CELSR1: variants seen among roughly 807,000 people sequenced by gnomAD.
The protein encoded by CELSR1 is adhesion G protein-coupled receptor C1.
A neutral mutation model predicts 249.1 loss-of-function variants in CELSR1; 110 were observed. The ratio of observed to expected loss-of-function variants is 0.44; its 90% CI spans 0.38 to 0.52. CELSR1 has a LOEUF of 0.52. Ranked by LOEUF, CELSR1 falls within the 20% of genes least tolerant of loss-of-function variation. The pLI is 0.00. For missense variants in CELSR1, 4,109 were observed against 4,296.4 expected, an observed-to-expected ratio of 0.96 and a Z score of 1.22; for synonymous variants, 2,113 against 1,900.0, an observed-to-expected ratio of 1.11 and a Z score of -2.92.
In CELSR1 at chr22:46,409,868, C is replaced by T. The variant is rs112571995; in HGVS notation, c.4946G>A (p.Arg1649Gln). 1.6e-5 allele frequency: 26 copies of T among 1,613,340 alleles called. No homozygotes were observed. The African/African-American group carries it at 2.0e-4, about 12-fold the overall frequency. Residue 1649 changes from arginine to glutamine, a missense_variant, in exon 8 of 35, where the codon CGG becomes CAG. Coordinates refer to ENST00000674500, the MANE Select transcript of CELSR1 (RefSeq NM_001378328.1). The surrounding 1 kb of genome is among the most constrained non-coding windows in gnomAD (Gnocchi z 9.8). Reference sequence around the variant, plus strand: ...CCGCCTCCCATCGCAGAAGTTCCTCCGAGCAGCGCAGCCTGGCAACACAGA... The same window carrying T: ...CCGCCTCCCATCGCAGAAGTTCCTCTGAGCAGCGCAGCCTGGCAACACAGA... ...NNGTREGCAA[R>Q]RNFCDGRRCQ...
chr22:46,530,260 C>T (rs1002721802), intron 1 of CELSR1: 1 of 152,238 alleles, frequency 6.6e-6, no homozygotes, highest in Admixed American at 6.6e-5. Flanking sequence ...GAGAGCAAGA[C>T]CCTGTCTCAT....
intron 1 of CELSR1, among the ~76,000 whole-genome samples, chr22:46,493,349 C>T (rs1485024125): frequency 6.6e-6 from 1 of 152,016 alleles, no homozygotes; most frequent in Non-Finnish European, 1.5e-5. Context: ...AGATCAAGAC[C>T]ATCCTGGCTA....
At position 46,409,712 on chromosome 22, in the gene CELSR1, C is replaced by G; in HGVS notation, c.5059+43G>C. The G allele has an allele frequency of 6.2e-7, 1 of 1,607,136 alleles. No individual in the cohort carries two copies. On this transcript the variant is annotated intron_variant, in intron 8 of 34. Transcript: ENST00000674500. This position sits in a 1 kb window ranked among gnomAD's most constrained non-coding sequence, Gnocchi z 9.8. ...GGGCACATCAAGGAGCAATGCCTCC[C>G]AGGCCGCCGTGACCGGGGGGATGGA... is the stretch of plus-strand genomic sequence containing the variant.
Position 46,398,581 on chromosome 22 carries a change from G to A in CELSR1, c.5469C>T (p.Val1823=), listed in dbSNP as rs139862104. ...LPGLTVRSVV[V]GGASEDKVSV... is the part of the protein sequence containing the mutation. Reference sequence around the variant, plus strand: ...AGACCTTGTCTTCAGAGGCGCCTCCGACCACCACGCTCCTTACCGTCAGCC... The same window carrying A: ...AGACCTTGTCTTCAGAGGCGCCTCCAACCACCACGCTCCTTACCGTCAGCC... Residue 1823 remains valine (V), a synonymous_variant, in exon 11 of 35, where the codon GTC becomes GTT. Transcript: ENST00000674500. This position sits in a 1 kb window ranked among gnomAD's most constrained non-coding sequence, Gnocchi z 7.2. 92 of 1,613,508 alleles carry A rather than the reference G, an allele frequency of 5.7e-5. No individual in the cohort carries two copies. The highest frequency in any genetic ancestry group is 2.9e-4 in the African/African-American group (22 of 74,946).
intron 12 of CELSR1, among the ~76,000 whole-genome samples, chr22:46,397,397 A>T (rs1205957660): frequency 6.7e-6 from 1 of 149,312 alleles, no homozygotes; most frequent in Non-Finnish European, 1.5e-5. Context: ...CTGGGATTAC[A>T]GGTATGAGCC....
intron 5 of CELSR1, among the ~76,000 whole-genome samples, chr22:46,419,465 C>T (rs2079440140): frequency 6.6e-6 from 1 of 152,064 alleles, no homozygotes; most frequent in African/African-American, 2.4e-5. Flanking sequence ...TCCTGACAAG[C>T]GGGACAAGGA....
chr22:46,380,609 ACT>A lies in CELSR1; in HGVS notation c.7256+177_7256+178del, dbSNP rs1189358151. Among the ~76,000 whole-genome samples, 1 of 151,746 alleles carries A rather than the reference ACT, an allele frequency of 6.6e-6. No homozygotes were observed. The highest frequency in any genetic ancestry group is 1.9e-4 in the East Asian group (1 of 5,164). On this transcript the variant is annotated intron_variant, in intron 22 of 34. Transcript: ENST00000674500. This position sits in a 1 kb window ranked among gnomAD's most constrained non-coding sequence, Gnocchi z 5.1. Reference sequence around the variant, plus strand: ...TCTGTGTGTGGACATCTAGGGGAGGACTCTGATATTCCCACAGAAGCAGAGCA... The same window carrying A: ...TCTGTGTGTGGACATCTAGGGGAGGACTGATATTCCCACAGAAGCAGAGCA...
intron 1 of CELSR1, among the ~76,000 whole-genome samples, chr22:46,465,559 C>T (rs961216784): frequency 4.6e-5 from 7 of 152,284 alleles, no homozygotes; most frequent in Admixed American, 6.5e-5. Flanking sequence ...ACCCCGAGCC[C>T]GGCAACACAC....
At chr22:46,524,748 C>T (rs936834918) in intron 1 of CELSR1, among the ~76,000 whole-genome samples, 4 of 152,114 alleles carry the variant, frequency 2.6e-5, no homozygotes, top group East Asian at 1.9e-4. Flanking sequence ...AGTCCTTACC[C>T]GAAGCAAAAG....
intron 1 of CELSR1, among the ~76,000 whole-genome samples, chr22:46,467,341 G>A (rs1414119854): frequency 6.6e-6 from 1 of 152,060 alleles, no homozygotes; most frequent in Non-Finnish European, 1.5e-5. Context: ...ACCACCTAAA[G>A]GTCCATCAGC....
chr22:46,527,608 C>T lies in CELSR1; in HGVS notation c.3544+6019G>A, dbSNP rs1249875081. 6.6e-6 allele frequency among the ~76,000 whole-genome samples: 1 copy of T among 152,364 alleles called. No individual in the cohort carries two copies. The highest frequency in any genetic ancestry group is 1.5e-5 in the Non-Finnish European group (1 of 68,036). On this transcript the variant is annotated intron_variant, in intron 1 of 34. Transcript: ENST00000674500. This position sits in a 1 kb window ranked among gnomAD's most constrained non-coding sequence, Gnocchi z 5.5. ...GGACCACACTGGCTCTCCCGGCTTT[C>T]GCACACAGCAGGTGCTCAATAAACA...
At chr22:46,388,087 G>A (rs546227120) in intron 18 of CELSR1, among the ~76,000 whole-genome samples, 3 of 152,344 alleles carry the variant, frequency 2.0e-5, no homozygotes, top group African/African-American at 7.2e-5. Context: ...GGTTGCTCAT[G>A]CCTGTAATCC....
At chr22:46,531,915 T>C (rs566645987) in intron 1 of CELSR1, among the ~76,000 whole-genome samples, 8 of 151,340 alleles carry the variant, frequency 5.3e-5, no homozygotes, top group African/African-American at 1.9e-4. Context: ...AGAGTACGAG[T>C]GTGTCCACAA....
In CELSR1 at chr22:46,407,719, G is replaced by A. The variant is rs1031398204; in HGVS notation, c.5226+1277C>T. On this transcript the variant is annotated intron_variant, in intron 9 of 34. Coordinates refer to ENST00000674500, the MANE Select transcript of CELSR1 (RefSeq NM_001378328.1). The surrounding 1 kb of genome is among the most constrained non-coding windows in gnomAD (Gnocchi z 4.8). The stretch of plus-strand genomic sequence containing the variant: ...TGAATCTGTCAAATCAAGACAGAGC[G>A]CCCTGCTCAGGCACGGCTCCCACAG... 5.3e-5 allele frequency among the ~76,000 whole-genome samples: 8 copies of A among 152,298 alleles called. No individual in the cohort carries two copies. Among genetic ancestry groups the A allele is most frequent in the South Asian group, 2.1e-4 (1 of 4,824 alleles).
chr22:46,397,794 C>A lies in CELSR1; in HGVS notation c.5581G>T (p.Ala1861Ser). ...TNVATLNMNNALKVRVKDGCD... is the reference protein window; with the variant it reads ...TNVATLNMNNSLKVRVKDGCD... ...CCGTCCTTCACCCTGACCTTGAGTG[C>A]GTTGTTCATGTTCAGGGTGGCGACG... Residue 1861 changes from alanine to serine, a missense_variant, in exon 12 of 35, where the codon GCA (alanine) becomes TCA (serine). Physicochemically the swap from Ala to Ser is moderately conservative, Grantham distance 99. Coordinates refer to ENST00000674500, the MANE Select transcript of CELSR1 (RefSeq NM_001378328.1). The A allele has an allele frequency of 6.2e-7, 1 of 1,602,234 alleles. No homozygotes were observed. The highest frequency in any genetic ancestry group is 1.1e-5 in the South Asian group (1 of 88,914).
At chr22:46,382,498 G>C (rs1255141018) in intron 20 of CELSR1, among the ~76,000 whole-genome samples, 1 of 152,022 alleles carries the variant, frequency 6.6e-6, no homozygotes, top group South Asian at 2.1e-4. Context: ...GGATGGTCTC[G>C]ATCTCCTGAC....
rs2080160599 is a variant in CELSR1, at chr22:46,472,015, C to T, written c.3545-7670G>A. Among the ~76,000 whole-genome samples the T allele has an allele frequency of 6.6e-6, 1 of 152,182 alleles. No individual in the cohort carries two copies. Among genetic ancestry groups the T allele is most frequent in the Non-Finnish European group, 1.5e-5 (1 of 68,032 alleles). On this transcript the variant is annotated intron_variant, in intron 1 of 34. Transcript: ENST00000674500. The surrounding 1 kb of genome is among the most constrained non-coding windows in gnomAD (Gnocchi z 7.0). ...TTGATTCCGGGAGGCACGGCACCCA[C>T]CCAGCACTCTCTCTGCCCGTGCTCC... is the stretch of plus-strand genomic sequence containing the variant.
At chr22:46,507,336 G>C (rs1397813172) in intron 1 of CELSR1, among the ~76,000 whole-genome samples, 1 of 152,106 alleles carries the variant, frequency 6.6e-6, no homozygotes, top group East Asian at 1.9e-4. Flanking sequence ...TGAAGTCGGG[G>C]GGGTAGCCAG....
Position 46,390,458 on chromosome 22 carries a change from C to T in CELSR1, c.6279G>A (p.Glu2093=). 4.3e-6 allele frequency: 7 copies of T among 1,613,958 alleles called. No homozygotes were observed. Among genetic ancestry groups the T allele is most frequent in the Non-Finnish European group, 5.9e-6 (7 of 1,179,972 alleles). ...VGNAVRHCSG[E]KGWLPPELFN... is the part of the protein sequence containing the mutation. The stretch of plus-strand genomic sequence containing the variant: ...AGAGCTCTGGGGGCAGCCAGCCCTT[C>T]TCCCCGCTGCAGTGTCGGACCGCAT... The change falls in exon 17 of 35, where the codon GAG becomes GAA. Residue 2093 remains glutamate, a synonymous_variant. Transcript: ENST00000674500. The surrounding 1 kb of genome is among the most constrained non-coding windows in gnomAD (Gnocchi z 6.3).
Sources: gnomAD v4.1 joint callset for allele counts (sites outside exome capture counted in the v4.1 genomes callset) on GRCh38, gnomAD v4.1.1 for gene constraint, Gnocchi (gnomAD v3.1) non-coding constraint, MANE v1.5 for transcripts, NCBI Gene and HGNC (gene_info 2026-07-23, HGNC 2026-07-21) for gene names.